CCM2: variants seen among roughly 807,000 people sequenced by gnomAD.
CCM2 encodes the protein cerebral cavernous malformations 2 protein.
In CCM2, 25 loss-of-function variants were observed where a neutral mutation model predicts 44.9. That is an observed-to-expected ratio of 0.56 (90% CI 0.41 to 0.78). The LOEUF is 0.78. CCM2 is among the 30% of genes least tolerant of loss of function. The pLI is 0.00. For missense variants in CCM2, 481 were observed against 580.6 expected (o/e 0.83, Z 1.76); for synonymous variants, 219 against 241.1 (o/e 0.91, Z 0.85).
chr7:45,036,519 G>C (rs1457282274), intron 1 of CCM2, among the ~76,000 whole-genome samples: 2 of 152,128 alleles, frequency 1.3e-5, no homozygotes, highest in South Asian at 2.1e-4. Flanking sequence ...GTGGTGGGGA[G>C]GGGCTCATAC....
intron 6 of CCM2, chr7:45,070,799 G>GA (rs74272056): frequency 3.8e-3 from 566 of 150,844 alleles, no homozygotes; most frequent in South Asian, 0.012. Flanking sequence ...AAAATACCAA[G>GA]AAAAAAAAAA....
chr7:45,006,107 G>C (rs967874313), intron 1 of CCM2, among the ~76,000 whole-genome samples: 1 of 152,206 alleles, frequency 6.6e-6, no homozygotes, highest in Non-Finnish European at 1.5e-5. Context: ...GCAGGCTTTG[G>C]TAAGAGTGAT....
chr7:45,011,763 G>A lies in CCM2; in HGVS notation c.30+11400G>A, dbSNP rs1016965540. ...GGTGAGGTTTCAATATGTTGGCCAG[G>A]ATGATCTCAAATTCTTGATCTCAAG... On this transcript the variant is annotated intron_variant, in intron 1 of 9. Coordinates refer to ENST00000258781, the MANE Select transcript of CCM2 (RefSeq NM_031443.4). 2.0e-5 allele frequency among the ~76,000 whole-genome samples: 3 copies of A among 152,172 alleles called. 1 individual carries two copies. In the South Asian group the frequency reaches 6.2e-4, roughly 32 times the overall value.
At chr7:45,071,080 T>C (rs980465925) in intron 6 of CCM2, 6 of 152,254 alleles carry the variant, frequency 3.9e-5, no homozygotes, top group African/African-American at 1.4e-4. Context: ...ATCCTCTCTA[T>C]CTCATTTAGT....
rs868497987 is a variant in CCM2, at chr7:45,073,185, C to G, written c.804-275C>G. The G allele has an allele frequency of 4.3e-5, 25 of 579,022 alleles. No homozygotes were observed. The African/African-American group carries it at 4.5e-4, about 10-fold the overall frequency. 35.9% of individuals were successfully genotyped at this position (579,022 alleles called of 1,614,324 possible). On this transcript the variant is annotated intron_variant, in intron 7 of 9. Coordinates refer to ENST00000258781, the MANE Select transcript of CCM2 (RefSeq NM_031443.4). ...CACCTCCCCAACCCTGGCTCCTTCC[C>G]CTGCCCAACAATGCTGCCCACTGCC...
At chr7:45,046,349 A>G (rs1797754221) in intron 2 of CCM2, among the ~76,000 whole-genome samples, 1 of 152,268 alleles carries the variant, frequency 6.6e-6, no homozygotes, top group South Asian at 2.1e-4. Context: ...TGATTTCAAG[A>G]TAGATCATAC....
In CCM2 at chr7:45,075,889, G is replaced by A. The variant is rs1784216271; in HGVS notation, c.1167G>A (p.Arg389=). ...TCACTGACAGCTTTGGCAGGCACCG[G>A]CGGGCCCTGAGCACCACATCCAGTT... is the stretch of plus-strand genomic sequence containing the variant. The part of the protein sequence containing the change: ...GIITDSFGRH[R]RALSTTSSST... The change falls in exon 10 of 10, where the codon CGG becomes CGA. Residue 389 remains arginine (R), a synonymous_variant. Coordinates refer to ENST00000258781, the MANE Select transcript of CCM2 (RefSeq NM_031443.4). 2.5e-6 allele frequency: 4 copies of A among 1,613,354 alleles called. No individual in the cohort carries two copies. Among genetic ancestry groups the A allele is most frequent in the African/African-American group, 1.3e-5 (1 of 75,056 alleles).
At chr7:45,073,603 A>G (rs756658014) in intron 8 of CCM2, 32 bp downstream of exon 8, 10 of 1,434,958 alleles carry the variant, frequency 7.0e-6, no homozygotes, top group South Asian at 3.4e-5. Context: ...GCTGGGCTGC[A>G]TGAGGGAGGG....
At chr7:45,072,510 G>C in intron 6 of CCM2, 2 of 637,962 alleles carry the variant, frequency 3.1e-6, no homozygotes, top group South Asian at 1.8e-5. Context: ...CATTTGCCAG[G>C]ATCCCCAGGA....
At chr7:45,024,739 T>C (rs1488543378) in intron 1 of CCM2, among the ~76,000 whole-genome samples, 1 of 152,246 alleles carries the variant, frequency 6.6e-6, no homozygotes, top group East Asian at 1.9e-4. Context: ...TCAGGATACA[T>C]CTGATGCTGA....
chr7:45,002,887 A>T (rs184286174), intron 1 of CCM2, among the ~76,000 whole-genome samples: 43 of 152,252 alleles, frequency 2.8e-4, no homozygotes, highest in Admixed American at 2.4e-3. Flanking sequence ...GAATGAGTGC[A>T]TTGACAGAAA....
rs5883920 is a variant in CCM2, at chr7:45,025,534, C to CT, written c.31-12703dup. Among the ~76,000 whole-genome samples, 423 of 113,264 alleles carry CT rather than the reference C, an allele frequency of 3.7e-3. 1 individual carries two copies. The highest frequency in any genetic ancestry group is 8.3e-3 in the Middle Eastern group (2 of 240). The allele number at this position is 113,264 out of a possible 152,430, so 74.3% of individuals were successfully genotyped here. ...TTCTTGTTCTCTGTTCTCTCTTTTT[C>CT]TTTTTTTTTTTTTTTTGAGATGGAG... On this transcript the variant is annotated intron_variant, in intron 1 of 9. Coordinates refer to ENST00000258781, the MANE Select transcript of CCM2 (RefSeq NM_031443.4).
intron 1 of CCM2, chr7:45,026,968 A>G (rs1796716054): frequency 6.5e-6 from 1 of 154,234 alleles, no homozygotes; most frequent in Admixed American, 6.3e-5. Flanking sequence ...CAGAGTTCTA[A>G]GAGCCTTCAC....
chr7:45,073,374 C>T (rs1799178102), intron 7 of CCM2, 86 bp from the exon 8 acceptor site: 2 of 844,952 alleles, frequency 2.4e-6, no homozygotes, highest in East Asian at 5.1e-5. Flanking sequence ...GGGACCCACA[C>T]ACACGGCATG....
chr7:45,072,811 G>C (rs369087076), intron 7 of CCM2, 28 bp downstream of exon 7: 2 of 1,589,062 alleles, frequency 1.3e-6, no homozygotes, highest in African/African-American at 1.3e-5. Context: ...CAAGCCCTGC[G>C]GTGGGACACG....
In CCM2 at chr7:45,041,998, G is replaced by A. The variant is rs149789015; in HGVS notation, c.204+3572G>A. The stretch of plus-strand genomic sequence containing the variant: ...ACTTGGTGGTAAAGGTGGTGTTGTC[G>A]AGCGCCGTGGCCCATGCCTGTAATC... On this transcript the variant is annotated intron_variant, in intron 2 of 9. Transcript: ENST00000258781. 1.8e-3 allele frequency among the ~76,000 whole-genome samples: 272 copies of A among 152,206 alleles called. 1 individual carries two copies. Among genetic ancestry groups the A allele is most frequent in the African/African-American group, 6.2e-3 (256 of 41,528 alleles).
chr7:45,001,163 G>A (rs1795606836), intron 1 of CCM2, among the ~76,000 whole-genome samples: 1 of 152,170 alleles, frequency 6.6e-6, no homozygotes, highest in African/African-American at 2.4e-5. Context: ...TTACTACCCT[G>A]AACTCTGCAG....
chr7:45,038,225 C>A (rs1281064893), intron 1 of CCM2, 28 bp from the exon 2 acceptor site: 2 of 1,612,932 alleles, frequency 1.2e-6, no homozygotes, highest in Admixed American at 3.3e-5. Flanking sequence ...AAATAATGAA[C>A]TCCAATCATT....
intron 2 of CCM2, among the ~76,000 whole-genome samples, chr7:45,061,404 CT>C (rs2128745687): frequency 6.6e-6 from 1 of 151,054 alleles, no homozygotes; most frequent in East Asian, 1.9e-4. Flanking sequence ...GAGGAAAGCC[CT>C]TTGTTAAGGA....
Sources: allele counts gnomAD v4.1 joint callset (sites outside exome capture counted in the v4.1 genomes callset), GRCh38; gene constraint gnomAD v4.1.1; transcripts MANE v1.5; gene names NCBI Gene and HGNC (gene_info 2026-07-23, HGNC 2026-07-21).